Variants in HHAT observed in about 807,000 individuals in gnomAD.
The protein encoded by HHAT is hedgehog acyltransferase, also known as protein-cysteine N-palmitoyltransferase HHAT.
In HHAT, 47 loss-of-function variants were observed where a neutral mutation model predicts 70.8. That is an observed-to-expected ratio of 0.66 (90% confidence interval 0.53 to 0.85). The LOEUF (loss-of-function observed/expected upper bound fraction) is 0.85, where lower values mean the gene tolerates loss of function less well. Among genes scored for constraint, HHAT ranks in the 40% least tolerant of loss-of-function variants. The probability of loss-of-function intolerance (pLI) is 0.00; values close to 1 mark genes in which losing one functional copy is unlikely to be tolerated. For synonymous variants in HHAT, 228 were observed against 247.6 expected (o/e 0.92, Z 0.74); for missense variants, 609 against 604.8 (o/e 1.01, Z -0.07).
At chr1:210,449,031 TACAC>T (rs1038733190) in intron 7 of HHAT, among the ~76,000 whole-genome samples, 1 of 152,004 alleles carries the variant, frequency 6.6e-6, no homozygotes, top group African/African-American at 2.4e-5. Context: ...TCTTAATTTG[TACAC>T]ACACACCATG....
intron 7 of HHAT, among the ~76,000 whole-genome samples, chr1:210,441,853 CTTTTTT>C (rs61156923): frequency 6.6e-6 from 1 of 151,028 alleles, no homozygotes; most frequent in African/African-American, 2.4e-5. Context: ...CACACACACA[CTTTTTT>C]TTTATTATAC....
At chr1:210,508,198 CAA>C (rs10656040) in intron 8 of HHAT, among the ~76,000 whole-genome samples, 148 of 89,434 alleles carry the variant, frequency 1.7e-3, no homozygotes, top group African/African-American at 6.4e-3. Flanking sequence ...GACTCCTTCT[CAA>C]AAAAAAAAAA....
intron 11 of HHAT, among the ~76,000 whole-genome samples, chr1:210,656,202 C>A (rs1207541616): frequency 3.3e-5 from 5 of 151,846 alleles, no homozygotes; most frequent in African/African-American, 1.2e-4. Flanking sequence ...TGGTCTTTTT[C>A]TAGGCTACAC....
chr1:210,653,134 C>CATAT (rs1675535408), intron 11 of HHAT, among the ~76,000 whole-genome samples: 1 of 140,762 alleles, frequency 7.1e-6, no homozygotes, highest in Non-Finnish European at 1.5e-5. Flanking sequence ...CAGCTTTATA[C>CATAT]ATACATACAT....
chr1:210,414,311 G>C (rs948057484), intron 6 of HHAT, among the ~76,000 whole-genome samples: 8 of 152,124 alleles, frequency 5.3e-5, no homozygotes, highest in African/African-American at 1.9e-4. Context: ...CGTCTCTTTG[G>C]GGGTTAGGAT....
intron 10 of HHAT, among the ~76,000 whole-genome samples, chr1:210,591,894 G>T: frequency 6.6e-6 from 1 of 151,984 alleles, no homozygotes; most frequent in East Asian, 1.9e-4. Context: ...TTTTTTCCCC[G>T]TAGAGTTGTT....
At chr1:210,395,567 A>G (rs985021363) in intron 4 of HHAT, among the ~76,000 whole-genome samples, 10 of 152,170 alleles carry the variant, frequency 6.6e-5, no homozygotes, top group Non-Finnish European at 1.5e-4. Flanking sequence ...GTTGTTAACT[A>G]TTGGAGATTT....
chr1:210,492,922 C>T (rs979637550), intron 8 of HHAT, among the ~76,000 whole-genome samples: 18 of 152,180 alleles, frequency 1.2e-4, no homozygotes, highest in Non-Finnish European at 1.9e-4. Flanking sequence ...ATCAGCCTTT[C>T]GGGATCTCAT....
chr1:210,432,203 G>A (rs1189449463), intron 7 of HHAT, among the ~76,000 whole-genome samples: 1 of 151,772 alleles, frequency 6.6e-6, no homozygotes, highest in Non-Finnish European at 1.5e-5. Flanking sequence ...GCACACATGT[G>A]ATAACTGAGG....
intron 10 of HHAT, among the ~76,000 whole-genome samples, chr1:210,603,818 C>T (rs1369767963): frequency 6.6e-6 from 1 of 152,148 alleles, no homozygotes; most frequent in Non-Finnish European, 1.5e-5. Flanking sequence ...TTTAAAAAGC[C>T]TTTCGAGCAG....
chr1:210,485,711 CA>C (rs2094464256), intron 8 of HHAT, among the ~76,000 whole-genome samples: 1 of 152,032 alleles, frequency 6.6e-6, no homozygotes, highest in Non-Finnish European at 1.5e-5. Flanking sequence ...GAGAACCAAG[CA>C]AAACAGCCTC....
At chr1:210,357,871 C>T (rs1217396634) in intron 2 of HHAT, among the ~76,000 whole-genome samples, 1 of 152,170 alleles carries the variant, frequency 6.6e-6, no homozygotes, top group African/African-American at 2.4e-5. Context: ...CATTTCCTTA[C>T]TAAGGCTCCT....
intron 9 of HHAT, among the ~76,000 whole-genome samples, chr1:210,568,702 G>A (rs568582218): frequency 2.0e-5 from 3 of 152,142 alleles, no homozygotes; most frequent in African/African-American, 7.2e-5. Context: ...ACAGGATCAA[G>A]TAAAGTTACA....
At position 210,496,010 on chromosome 1, in the gene HHAT, C is replaced by CAA. The variant is rs10639399; in HGVS notation, c.1008-17124_1008-17123dup. 4.1e-3 allele frequency among the ~76,000 whole-genome samples: 279 copies of CAA among 67,908 alleles called. 14 individuals carry two copies. Among genetic ancestry groups the CAA allele is most frequent in the African/African-American group, 0.011 (164 of 14,658 alleles). The allele number at this position is 67,908 out of a possible 152,430, so 44.6% of individuals were successfully genotyped here. The stretch of plus-strand genomic sequence containing the variant: ...TGGGCAACAGAGTCAAACTCTATCT[C>CAA]AAAAAAAAAAAAAAAAAAAAGAAAA... On this transcript the variant is annotated intron_variant, in intron 8 of 11. Coordinates refer to ENST00000261458, the MANE Select transcript of HHAT (RefSeq NM_018194.6).
intron 3 of HHAT, among the ~76,000 whole-genome samples, chr1:210,373,642 C>A (rs951193297): frequency 6.6e-6 from 1 of 152,148 alleles, no homozygotes; most frequent in African/African-American, 2.4e-5. Context: ...AGGTCAAATT[C>A]TATCTGGCAT....
chr1:210,656,968 C>T (rs1239892158), intron 11 of HHAT, among the ~76,000 whole-genome samples: 1 of 152,218 alleles, frequency 6.6e-6, no homozygotes, highest in Non-Finnish European at 1.5e-5. Context: ...CTGTGTTCCC[C>T]ACACCCCTTC....
intron 10 of HHAT, among the ~76,000 whole-genome samples, chr1:210,622,443 G>A (rs1354292678): frequency 6.6e-6 from 1 of 152,066 alleles, no homozygotes; most frequent in Admixed American, 6.5e-5. Context: ...GATAGGGCTC[G>A]CACACTCCAG....
chr1:210,431,945 G>A (rs11119495), intron 7 of HHAT, among the ~76,000 whole-genome samples: 4 of 151,702 alleles, frequency 2.6e-5, no homozygotes, highest in African/African-American at 4.9e-5. Context: ...TGTTTTATTC[G>A]ACTCTTAAAA....
intron 6 of HHAT, among the ~76,000 whole-genome samples, chr1:210,408,347 T>G (rs1302303697): frequency 1.3e-5 from 2 of 152,056 alleles, no homozygotes; most frequent in Non-Finnish European, 2.9e-5. Context: ...CGCACCCAGC[T>G]GATTTTTGTA....
Sources: gnomAD v4.1 joint callset for allele counts (sites outside exome capture counted in the v4.1 genomes callset) on GRCh38, gnomAD v4.1.1 for gene constraint, MANE v1.5 for transcripts, NCBI Gene and HGNC (gene_info 2026-07-23, HGNC 2026-07-21) for gene names.